Variants in ITGA9 observed in about 807,000 individuals in gnomAD.
ITGA9 encodes integrin alpha-9.
ITGA9 carries 56 observed loss-of-function variants against 127.8 expected under a neutral mutation model. That is an observed-to-expected ratio of 0.44 (90% CI 0.35 to 0.55). ITGA9 has a LOEUF of 0.55. ITGA9 is among the 20% of genes least tolerant of loss of function. ITGA9 has a pLI of 0.00. For synonymous variants in ITGA9, 508 were observed against 514.5 expected, an observed-to-expected ratio of 0.99 and a Z score of 0.17; for missense variants, 1,196 against 1,347.1, an observed-to-expected ratio of 0.89 and a Z score of 1.76.
intron 15 of ITGA9, among the ~76,000 whole-genome samples, chr3:37,563,596 A>T (rs2125601091): frequency 6.6e-6 from 1 of 152,310 alleles, no homozygotes; most frequent in African/African-American, 2.4e-5. Flanking sequence ...TTCTCCTGTC[A>T]CTACCATGCT....
chr3:37,560,806 A>C (rs568968403), intron 15 of ITGA9, among the ~76,000 whole-genome samples: 1 of 152,302 alleles, frequency 6.6e-6, no homozygotes, highest in African/African-American at 2.4e-5. Flanking sequence ...CATAATGAAG[A>C]CCACAGACTT....
At chr3:37,521,379 T>C (rs1415831373) in intron 11 of ITGA9, among the ~76,000 whole-genome samples, 2 of 152,184 alleles carry the variant, frequency 1.3e-5, no homozygotes, top group Non-Finnish European at 2.9e-5. Context: ...CCTACACTTC[T>C]TCCACATTGC....
rs1215516544 is a variant in ITGA9 at position 37,806,826 on chromosome 3, C to A, written c.3009+2884C>A. 1.3e-5 allele frequency: 2 copies of A among 152,260 alleles called. No individual in the cohort carries two copies. The highest frequency in any genetic ancestry group is 4.8e-5 in the African/African-American group (2 of 41,452). The allele number at this position is 152,260 out of a possible 1,614,324, so 9.4% of individuals were successfully genotyped here. On this transcript the variant is annotated intron_variant, in intron 27 of 27. Coordinates refer to ENST00000264741, the MANE Select transcript of ITGA9 (RefSeq NM_002207.3). This position sits in a 1 kb window ranked among gnomAD's most constrained non-coding sequence, Gnocchi z 4.3. ...GGCCACCTGGGTCACAACAGCTTTG[C>A]TAGTCAACCCAGAGCAGTATCTCAT...
At chr3:37,640,574 C>T (rs1015059233) in intron 16 of ITGA9, among the ~76,000 whole-genome samples, 2 of 152,218 alleles carry the variant, frequency 1.3e-5, no homozygotes, top group African/African-American at 4.8e-5. Flanking sequence ...GGAGCAGACC[C>T]AGACAACCCA....
intron 18 of ITGA9, among the ~76,000 whole-genome samples, chr3:37,709,145 G>A (rs982693977): frequency 6.6e-6 from 1 of 152,098 alleles, no homozygotes; most frequent in Non-Finnish European, 1.5e-5. Flanking sequence ...TAAATTTGTT[G>A]CAAAGATTAA....
rs191465137 is a variant in ITGA9, at chr3:37,607,141, C to A, written c.1690-22046C>A. 2.3e-3 allele frequency among the ~76,000 whole-genome samples: 351 copies of A among 152,084 alleles called. 1 individual carries two copies. The highest frequency in any genetic ancestry group is 8.0e-3 in the African/African-American group (334 of 41,494). On this transcript the variant is annotated intron_variant, in intron 15 of 27. Transcript: ENST00000264741. ...GGATCTATACACATGTGCCCCCGTA[C>A]CTGGCTAATGTGGCTTCCTTTATGT... is the stretch of plus-strand genomic sequence containing the variant.
intron 15 of ITGA9, among the ~76,000 whole-genome samples, chr3:37,613,266 A>C (rs1239515273): frequency 6.6e-6 from 1 of 152,130 alleles, no homozygotes; most frequent in Non-Finnish European, 1.5e-5. Context: ...TTTCAGCTTC[A>C]TCCATGTCCC....
intron 12 of ITGA9, among the ~76,000 whole-genome samples, chr3:37,525,449 A>G (rs1699084148): frequency 6.6e-6 from 1 of 152,190 alleles, no homozygotes; most frequent in Non-Finnish European, 1.5e-5. Flanking sequence ...ACAGACAGGG[A>G]TACCATGAGA....
chr3:37,505,969 C>T (rs773719526), intron 6 of ITGA9, 31 bp from the exon 7 acceptor site: 15 of 1,487,118 alleles, frequency 1.0e-5, no homozygotes, highest in Admixed American at 7.3e-5. Flanking sequence ...CTTTTTCAAC[C>T]GTGTGCTTGG....
chr3:37,491,959 C>A (rs1698678136), intron 4 of ITGA9, among the ~76,000 whole-genome samples: 1 of 152,144 alleles, frequency 6.6e-6, no homozygotes, highest in African/African-American at 2.4e-5. Flanking sequence ...GGAAAGCATG[C>A]TTGTGGCCTA....
At chr3:37,760,253 ACT>A (rs1559590569) in intron 23 of ITGA9, among the ~76,000 whole-genome samples, 2 of 150,484 alleles carry the variant, frequency 1.3e-5, no homozygotes, top group African/African-American at 2.4e-5. Context: ...AAAGAGTGAG[ACT>A]CTGTCTCAAT....
At chr3:37,620,810 C>T (rs1670807419) in intron 15 of ITGA9, among the ~76,000 whole-genome samples, 1 of 152,224 alleles carries the variant, frequency 6.6e-6, no homozygotes, top group African/African-American at 2.4e-5. Context: ...CACTCTGGGT[C>T]AGAAGCTATT....
intron 18 of ITGA9, among the ~76,000 whole-genome samples, chr3:37,696,393 C>T (rs144965519): frequency 1.7e-3 from 261 of 152,264 alleles, no homozygotes; most frequent in African/African-American, 5.4e-3. Flanking sequence ...TTTATCTGTC[C>T]GCCTTATCTA....
intron 27 of ITGA9, among the ~76,000 whole-genome samples, chr3:37,816,959 A>G (rs1697441247): frequency 6.6e-6 from 1 of 152,194 alleles, no homozygotes; most frequent in East Asian, 1.9e-4. Context: ...GGGTGAAGAT[A>G]CCTGCTGGCT....
At chr3:37,491,132 G>A (rs533923757) in intron 4 of ITGA9, among the ~76,000 whole-genome samples, 7 of 151,942 alleles carry the variant, frequency 4.6e-5, no homozygotes, top group Admixed American at 1.3e-4. Context: ...GTGCACCACC[G>A]CATCCAGCTA....
chr3:37,780,954 C>G (rs1030129941), intron 25 of ITGA9, among the ~76,000 whole-genome samples: 5 of 152,164 alleles, frequency 3.3e-5, no homozygotes, highest in Non-Finnish European at 5.9e-5. Flanking sequence ...AATACCAGAC[C>G]CTTGCTACTC....
At chr3:37,653,823 C>G (rs765826704) in intron 17 of ITGA9, 33 bp downstream of exon 17, 1 of 1,544,916 alleles carries the variant, frequency 6.5e-7, no homozygotes, top group Non-Finnish European at 9.0e-7. Context: ...GCATTGTTCT[C>G]AGGCTCCTTT....
chr3:37,584,052 A>G (rs962152506), intron 15 of ITGA9, among the ~76,000 whole-genome samples: 2 of 152,182 alleles, frequency 1.3e-5, no homozygotes, highest in African/African-American at 4.8e-5. Context: ...GACTGACTGT[A>G]TTAGTCAGCT....
Position 37,583,927 on chromosome 3 carries a change from C to G in ITGA9, c.1689+41342C>G, listed in dbSNP as rs541513839. On this transcript the variant is annotated intron_variant, in intron 15 of 27. Transcript: ENST00000264741. ...TTTTCTCTTTCCCTTCTGGACACTA[C>G]TGACCTCTCATTGTCATGTTGGACT... 2.0e-5 allele frequency among the ~76,000 whole-genome samples: 3 copies of G among 152,328 alleles called. No homozygotes were observed. In the South Asian group the frequency reaches 6.2e-4, roughly 32 times the overall value.
Sources: gnomAD v4.1 joint callset for allele counts (sites outside exome capture counted in the v4.1 genomes callset) on GRCh38, gnomAD v4.1.1 for gene constraint, Gnocchi (gnomAD v3.1) non-coding constraint, MANE v1.5 for transcripts, NCBI Gene and HGNC (gene_info 2026-07-23, HGNC 2026-07-21) for gene names.